Variants in BMP2K observed in about 807,000 individuals in gnomAD.
BMP2K encodes BMP2 inducible kinase, also known as BMP-2-inducible protein kinase.
A neutral mutation model predicts 116.0 loss-of-function variants in BMP2K; 74 were observed. That is an observed-to-expected ratio of 0.64 (90% CI 0.53 to 0.77). The LOEUF (loss-of-function observed/expected upper bound fraction) is 0.77, where lower values mean the gene tolerates loss of function less well. Ranked by LOEUF, BMP2K falls within the 30% of genes least tolerant of loss-of-function variation. BMP2K has a pLI of 0.00. For synonymous variants in BMP2K, 486 were observed against 502.5 expected, an observed-to-expected ratio of 0.97 and a Z score of 0.44; for missense variants, 1,365 against 1,403.6, an observed-to-expected ratio of 0.97 and a Z score of 0.44.
At chr4:78,829,780 CTT>C (rs200293208) in intron 2 of BMP2K, among the ~76,000 whole-genome samples, 39 of 114,954 alleles carry the variant, frequency 3.4e-4, no homozygotes, top group African/African-American at 1.5e-3. Flanking sequence ...CTTTTCTTTT[CTT>C]TTCTTTTCTC....
At chr4:78,802,227 C>CT (rs1392728226) in intron 1 of BMP2K, among the ~76,000 whole-genome samples, 1 of 152,196 alleles carries the variant, frequency 6.6e-6, no homozygotes, top group East Asian at 1.9e-4. Flanking sequence ...TGGGTCTAGA[C>CT]TTTATGTGGT....
chr4:78,902,178 T>C (rs562269678), intron 15 of BMP2K, among the ~76,000 whole-genome samples: 2 of 152,168 alleles, frequency 1.3e-5, no homozygotes, highest in South Asian at 4.1e-4. Flanking sequence ...AAAATGAGGC[T>C]CAGAAAGGTT....
At chr4:78,880,501 C>G (rs1732843274) in intron 14 of BMP2K, among the ~76,000 whole-genome samples, 1 of 152,138 alleles carries the variant, frequency 6.6e-6, no homozygotes, top group Non-Finnish European at 1.5e-5. Flanking sequence ...GTATTTTCAA[C>G]TGCTTAGGTA....
rs1307951096 is a variant in BMP2K at position 78,914,465 on chromosome 4, A to G, written c.*2432A>G. On this transcript the variant is annotated 3_prime_UTR_variant, in exon 16 of 16. Transcript: ENST00000502613. ...GTGTTGTAGTAGAGGCATTTTCCTA[A>G]GGAGTATAGATTTATACTTTGCATT... 1 of 151,998 alleles carries G rather than the reference A, an allele frequency of 6.6e-6. No individual in the cohort carries two copies. Among genetic ancestry groups the G allele is most frequent in the Non-Finnish European group, 1.5e-5 (1 of 67,934 alleles). 9.4% of individuals were successfully genotyped at this position (151,998 alleles called of 1,614,324 possible). A position where few individuals can be genotyped will look rare whatever the true frequency, so the allele number is the denominator to read the frequency against.
chr4:78,788,511 G>C (rs1176396895), intron 1 of BMP2K, among the ~76,000 whole-genome samples: 1 of 151,628 alleles, frequency 6.6e-6, no homozygotes, highest in African/African-American at 2.4e-5. Context: ...TAACTGGATT[G>C]CTAAATCTTT....
chr4:78,904,180 T>G (rs1734166753), intron 15 of BMP2K, among the ~76,000 whole-genome samples: 2 of 151,930 alleles, frequency 1.3e-5, no homozygotes, highest in Admixed American at 1.3e-4. Flanking sequence ...GTCATGACAG[T>G]GAACTAACAT....
chr4:78,841,046 C>T (rs1017575813), intron 3 of BMP2K, among the ~76,000 whole-genome samples: 1 of 151,994 alleles, frequency 6.6e-6, no homozygotes, highest in African/African-American at 2.4e-5. Flanking sequence ...GTCAGGTGCC[C>T]CAGTCTTGTG....
chr4:78,867,122 A>G (rs1315754149), intron 10 of BMP2K, among the ~76,000 whole-genome samples: 2 of 151,750 alleles, frequency 1.3e-5, no homozygotes, highest in East Asian at 3.9e-4. Flanking sequence ...CAGTGAGCCA[A>G]GATCTCACTG....
intron 8 of BMP2K, 104 bp downstream of exon 8, chr4:78,859,791 C>G: frequency 1.3e-6 from 1 of 748,618 alleles, no homozygotes; most frequent in Non-Finnish European, 2.1e-6. Context: ...TGCTAAAACT[C>G]AGAGTTTCTT....
At chr4:78,795,984 G>C (rs1455346281) in intron 1 of BMP2K, among the ~76,000 whole-genome samples, 2 of 151,610 alleles carry the variant, frequency 1.3e-5, no homozygotes, top group African/African-American at 4.9e-5. Context: ...TCAGTGTGGC[G>C]ATTCCTCAGG....
chr4:78,816,015 G>C (rs548909197), intron 1 of BMP2K, among the ~76,000 whole-genome samples: 105 of 152,138 alleles, frequency 6.9e-4, no homozygotes, highest in Non-Finnish European at 1.0e-3. Flanking sequence ...CAAGGATTAC[G>C]TATTGCATAG....
At chr4:78,789,065 C>T (rs983070150) in intron 1 of BMP2K, among the ~76,000 whole-genome samples, 2 of 151,942 alleles carry the variant, frequency 1.3e-5, no homozygotes, top group Admixed American at 1.3e-4. Flanking sequence ...ACAGGACCTT[C>T]TCAGAGCCTC....
chr4:78,879,279 G>T, intron 14 of BMP2K: 1 of 1,002,678 alleles, frequency 1.0e-6, no homozygotes, highest in Non-Finnish European at 1.2e-6. Flanking sequence ...AGAAAATATT[G>T]TGGGTCTGAG....
At chr4:78,859,518 A>G in intron 7 of BMP2K, 66 bp from the exon 8 acceptor site, 1 of 973,788 alleles carries the variant, frequency 1.0e-6, no homozygotes, top group Non-Finnish European at 1.5e-6. Flanking sequence ...TATCCTTATA[A>G]TGTGCCCCTA....
intron 3 of BMP2K, among the ~76,000 whole-genome samples, chr4:78,840,492 G>T (rs555152475): frequency 1.2e-4 from 19 of 152,022 alleles, no homozygotes; most frequent in Admixed American, 1.3e-4. Context: ...TAGCATTTTA[G>T]TGAGCTCTCT....
At chr4:78,884,810 C>A (rs1055226564) in intron 14 of BMP2K, among the ~76,000 whole-genome samples, 1 of 152,176 alleles carries the variant, frequency 6.6e-6, no homozygotes, top group African/African-American at 2.4e-5. Context: ...TCTTAATCCT[C>A]ACCTTAAGGT....
intron 2 of BMP2K, among the ~76,000 whole-genome samples, chr4:78,829,775 CTT>C (rs1305382263): frequency 1.2e-4 from 14 of 113,414 alleles, no homozygotes; most frequent in African/African-American, 6.4e-4. Context: ...CTTTTCTTTT[CTT>C]TTCTTTTCTT....
rs1386487178 is a variant in BMP2K, at chr4:78,887,243, C to T, written c.2021C>T (p.Pro674Leu). 2 of 1,611,474 alleles carry T rather than the reference C, an allele frequency of 1.2e-6. No individual in the cohort carries two copies. The highest frequency in any genetic ancestry group is 1.7e-6 in the Non-Finnish European group (2 of 1,178,862). Residue 674 changes from proline to leucine, a missense_variant, in exon 15 of 16, where the codon CCA (proline) becomes CTA (leucine). Physicochemically the swap from Pro to Leu is moderately conservative, Grantham distance 98. Coordinates refer to ENST00000502613, the MANE Select transcript of BMP2K (RefSeq NM_198892.2). Reference protein sequence around the residue: ...DSLSAPHNHPPEDPFGSVPFI... With the variant: ...DSLSAPHNHPLEDPFGSVPFI... ...CTTTCTGCTCCACATAACCATCCTC[C>T]AGAAGATCCTTTTGGTTCTGTTCCT...
At chr4:78,907,695 A>G (rs1326073687) in intron 15 of BMP2K, among the ~76,000 whole-genome samples, 3 of 152,168 alleles carry the variant, frequency 2.0e-5, no homozygotes, top group African/African-American at 7.2e-5. Context: ...ACTCCAGGTG[A>G]GTAGGAGTGG....
Sources: allele counts gnomAD v4.1 joint callset (sites outside exome capture counted in the v4.1 genomes callset), GRCh38; gene constraint gnomAD v4.1.1; transcripts MANE v1.5; gene names NCBI Gene and HGNC (gene_info 2026-07-23, HGNC 2026-07-21).